WWC2: variants seen among roughly 807,000 people sequenced by gnomAD.
WWC2 encodes the protein protein WWC2.
In WWC2, 101 loss-of-function variants were observed where a neutral mutation model predicts 138.5. That is an observed-to-expected ratio of 0.73 (90% CI 0.62 to 0.86). The LOEUF is 0.86. Ranked by LOEUF, WWC2 falls within the 40% of genes least tolerant of loss-of-function variation. The probability of loss-of-function intolerance (pLI) is 0.00; values close to 1 mark genes in which losing one functional copy is unlikely to be tolerated. For synonymous variants in WWC2, 558 were observed against 538.4 expected, an observed-to-expected ratio of 1.04 and a Z score of -0.50; for missense variants, 1,420 against 1,419.4, an observed-to-expected ratio of 1.00 and a Z score of -0.01.
At chr4:183,124,151 A>C (rs1023570649) in intron 1 of WWC2, among the ~76,000 whole-genome samples, 3 of 152,184 alleles carry the variant, frequency 2.0e-5, no homozygotes, top group Non-Finnish European at 4.4e-5. Flanking sequence ...CCTGTTAGTT[A>C]TCTATTTGGT....
chr4:183,183,732 G>A (rs1045493448), intron 1 of WWC2, among the ~76,000 whole-genome samples: 2 of 151,858 alleles, frequency 1.3e-5, no homozygotes, highest in African/African-American at 4.8e-5. Flanking sequence ...GAGCTGAGCC[G>A]TGATCGTCCC....
chr4:183,152,416 T>C (rs1733659550), intron 1 of WWC2, among the ~76,000 whole-genome samples: 1 of 151,884 alleles, frequency 6.6e-6, no homozygotes, highest in Non-Finnish European at 1.5e-5. Context: ...GGAGGATCAC[T>C]TGAACCCAGG....
chr4:183,302,871 C>T (rs1738900396), intron 21 of WWC2, among the ~76,000 whole-genome samples: 1 of 152,042 alleles, frequency 6.6e-6, no homozygotes, highest in Admixed American at 6.6e-5. Flanking sequence ...CAAGACCAGC[C>T]TGGACAACAT....
At chr4:183,301,479 CTG>C (rs1440632371) in intron 21 of WWC2, among the ~76,000 whole-genome samples, 1 of 152,090 alleles carries the variant, frequency 6.6e-6, no homozygotes, top group Non-Finnish European at 1.5e-5. Flanking sequence ...GAAAAAGACA[CTG>C]TGTGATGAAA....
At position 183,099,469 on chromosome 4, in the gene WWC2, GC is replaced by G; in HGVS notation, c.-22del. On this transcript the variant is annotated 5_prime_UTR_variant, in exon 1 of 23. Transcript: ENST00000403733. ...CGCGCCCGGTACCTATGGAGGCGCC[GC>G]TCGCCGGCGAGGCCGCCGACCATGC... The G allele has an allele frequency of 7.8e-7, 1 of 1,277,356 alleles. No homozygotes were observed. 79.1% of individuals were successfully genotyped at this position (1,277,356 alleles called of 1,614,324 possible).
intron 1 of WWC2, among the ~76,000 whole-genome samples, chr4:183,188,281 C>G (rs985184467): frequency 6.6e-6 from 1 of 152,092 alleles, no homozygotes; most frequent in East Asian, 1.9e-4. Flanking sequence ...CTGTGTCGCC[C>G]AGGCTGGAGT....
intron 11 of WWC2, 35 bp from the exon 12 acceptor site, chr4:183,264,943 C>T (rs1162481185): frequency 5.7e-6 from 9 of 1,583,376 alleles, no homozygotes; most frequent in Non-Finnish European, 6.0e-6. Context: ...CCAAATAAGA[C>T]ATTCTGATTA....
Position 183,207,977 on chromosome 4 carries a change from G to T in WWC2, c.266G>T (p.Arg89Ile). The T allele has an allele frequency of 6.2e-7, 1 of 1,611,252 alleles. No individual in the cohort carries two copies. Among genetic ancestry groups the T allele is most frequent in the Non-Finnish European group, 8.5e-7 (1 of 1,178,692 alleles). The change falls in exon 3 of 23, where the codon AGA becomes ATA. Residue 89 changes from arginine (R) to isoleucine (I), a missense_variant. Transcript: ENST00000403733. ...INKTTQIEDPRKQWRGEQEKM... is the reference protein window; with the variant it reads ...INKTTQIEDPIKQWRGEQEKM... ...GAAACCACGCAGATAGAAGATCCAA[G>T]AAAACAATGGAGGGGGGAACAGGAG...
chr4:183,301,100 T>C (rs188892504), intron 21 of WWC2, among the ~76,000 whole-genome samples: 12 of 152,342 alleles, frequency 7.9e-5, no homozygotes, highest in Non-Finnish European at 1.5e-4. Flanking sequence ...TTTTTTCTTA[T>C]GGTATTTCAT....
intron 1 of WWC2, among the ~76,000 whole-genome samples, chr4:183,153,882 C>T (rs1733717209): frequency 6.6e-6 from 1 of 151,324 alleles, no homozygotes; most frequent in Admixed American, 6.6e-5. Flanking sequence ...TGAGCTCAAG[C>T]AGTCACCCAC....
Position 183,283,028 on chromosome 4 carries a change from C to T in WWC2, c.2883+122C>T, listed in dbSNP as rs1239035632. 7.0e-6 allele frequency: 7 copies of T among 1,001,346 alleles called. No homozygotes were observed. The East Asian group carries it at 1.1e-4, about 15-fold the overall frequency. 62.0% of individuals were successfully genotyped at this position (1,001,346 alleles called of 1,614,324 possible). The stretch of plus-strand genomic sequence containing the variant: ...TCAGGATTTTGTGCCAAAAGCTGAT[C>T]GTGAAAGGCATATGTGGGAATAGGC... On this transcript the variant is annotated intron_variant, in intron 18 of 22. Coordinates refer to ENST00000403733, the MANE Select transcript of WWC2 (RefSeq NM_024949.6).
At chr4:183,313,142 T>C (rs369534615) in intron 22 of WWC2, among the ~76,000 whole-genome samples, 6 of 152,234 alleles carry the variant, frequency 3.9e-5, no homozygotes, top group African/African-American at 1.4e-4. Context: ...AAGAACAGCA[T>C]GGACAGAGGC....
At position 183,265,095 on chromosome 4, in the gene WWC2, C is replaced by G. The variant is rs202222415; in HGVS notation, c.2027C>G (p.Ala676Gly). 7.5e-6 allele frequency: 12 copies of G among 1,607,158 alleles called. No homozygotes were observed. In the Admixed American group the frequency reaches 1.7e-4, roughly 23 times the overall value. ...GCTGGAGACAGTGGGGTCTATGAAGCTTTCGTGAAACAGTAAGGATTCAGC... is the reference window on the plus strand; with the variant it reads ...GCTGGAGACAGTGGGGTCTATGAAGGTTTCGTGAAACAGTAAGGATTCAGC... ...SVAGDSGVYE[A>G]FVKQPSEMED... Residue 676 changes from alanine to glycine, a missense_variant, in exon 12 of 23, where the codon GCT becomes GGT. Physicochemically the swap from Ala to Gly is moderately conservative, Grantham distance 60. Transcript: ENST00000403733.
At chr4:183,243,123 A>G (rs1334478943) in intron 5 of WWC2, among the ~76,000 whole-genome samples, 2 of 152,274 alleles carry the variant, frequency 1.3e-5, no homozygotes, top group African/African-American at 4.8e-5. Flanking sequence ...GTCTTGAACC[A>G]GTCCTGCTTT....
chr4:183,240,910 A>G (rs1197972330), intron 5 of WWC2, among the ~76,000 whole-genome samples: 1 of 152,154 alleles, frequency 6.6e-6, no homozygotes, highest in Non-Finnish European at 1.5e-5. Context: ...TCACAGGATG[A>G]GGATATCCCT....
intron 1 of WWC2, among the ~76,000 whole-genome samples, chr4:183,129,841 C>G (rs1432561928): frequency 2.0e-5 from 3 of 152,160 alleles, no homozygotes; most frequent in South Asian, 2.1e-4. Context: ...TGTGATAGCT[C>G]TATGTCTGCA....
chr4:183,295,078 GA>G (rs33922843), intron 21 of WWC2, among the ~76,000 whole-genome samples: 53,767 of 150,322 alleles, frequency 0.36, 10,141 homozygotes, highest in Admixed American at 0.47. Context: ...GTTTCCAGCT[GA>G]AAAAAAAAAT....
At chr4:183,105,844 T>C (rs1213788504) in intron 1 of WWC2, among the ~76,000 whole-genome samples, 2 of 151,056 alleles carry the variant, frequency 1.3e-5, no homozygotes, top group East Asian at 2.0e-4. Flanking sequence ...GAGCAGACAT[T>C]GCGCCAATGC....
At position 183,253,773 on chromosome 4, in the gene WWC2, A is replaced by G; in HGVS notation, c.970A>G (p.Ile324Val). Residue 324 changes from isoleucine to valine, a missense_variant, in exon 9 of 23, where the codon ATT becomes GTT. Physicochemically the swap from Ile to Val is conservative, Grantham distance 29 (BLOSUM62 3). Coordinates refer to ENST00000403733, the MANE Select transcript of WWC2 (RefSeq NM_024949.6). ...TTTTTTTAGTATGGCCAACTTAAAA[A>G]TTGAACTGTCAAAATTGGACAGTGA... is the stretch of plus-strand genomic sequence containing the variant. ...EAKRSMANLKIELSKLDSEAW... is the reference protein window; with the variant it reads ...EAKRSMANLKVELSKLDSEAW... 1 of 1,610,084 alleles carries G rather than the reference A, an allele frequency of 6.2e-7. No individual in the cohort carries two copies. Among genetic ancestry groups the G allele is most frequent in the Non-Finnish European group, 8.5e-7 (1 of 1,178,932 alleles).
Sources: gnomAD v4.1 joint callset for allele counts (sites outside exome capture counted in the v4.1 genomes callset) on GRCh38, gnomAD v4.1.1 for gene constraint, MANE v1.5 for transcripts, NCBI Gene and HGNC (gene_info 2026-07-23, HGNC 2026-07-21) for gene names.